PACRG: variants seen among roughly 807,000 people sequenced by gnomAD.
The protein encoded by PACRG is parkin coregulated.
Under a neutral mutation model 29.7 loss-of-function variants are expected in PACRG, and 29 were observed. That is an observed-to-expected ratio of 0.98 (90% CI 0.73 to 1.33). The LOEUF is 1.33. PACRG is among the 40% of genes most tolerant of loss of function. The pLI is 0.00. For synonymous variants in PACRG, 116 were observed against 118.7 expected (o/e 0.98, Z 0.15); for missense variants, 279 against 316.2 (o/e 0.88, Z 0.89).
chr6:162,998,195 A>G (rs945663422), intron 2 of PACRG, among the ~76,000 whole-genome samples: 11 of 152,146 alleles, frequency 7.2e-5, no homozygotes, highest in African/African-American at 2.7e-4. Context: ...CAGGTGAACG[A>G]TTTTCTAACC....
chr6:163,297,130 G>A (rs946910182), intron 4 of PACRG, among the ~76,000 whole-genome samples: 1 of 152,128 alleles, frequency 6.6e-6, no homozygotes, highest in Non-Finnish European at 1.5e-5. Flanking sequence ...TTCCTGCGAC[G>A]AAGCTTTGTT....
chr6:162,920,787 T>C (rs1409400513), intron 2 of PACRG, among the ~76,000 whole-genome samples: 1 of 152,272 alleles, frequency 6.6e-6, no homozygotes, highest in South Asian at 2.1e-4. Flanking sequence ...GCTATCAAAA[T>C]TGTGTTTTTA....
intron 2 of PACRG, among the ~76,000 whole-genome samples, chr6:163,019,540 G>C (rs1806413030): frequency 6.6e-6 from 1 of 152,122 alleles, no homozygotes; most frequent in Non-Finnish European, 1.5e-5. Context: ...CACCACCCGT[G>C]AACTGGAGCG....
chr6:162,900,479 G>C (rs1190142160), intron 2 of PACRG, among the ~76,000 whole-genome samples: 1 of 152,170 alleles, frequency 6.6e-6, no homozygotes, highest in African/African-American at 2.4e-5. Flanking sequence ...ACTTCAGATA[G>C]TCTCATGTGA....
chr6:162,928,671 G>A (rs1199889044), intron 2 of PACRG, among the ~76,000 whole-genome samples: 1 of 151,806 alleles, frequency 6.6e-6, no homozygotes, highest in Non-Finnish European at 1.5e-5. Context: ...ATCGTTGTAT[G>A]CTATAGTCAC....
At chr6:162,854,552 T>C (rs1239542591) in intron 2 of PACRG, among the ~76,000 whole-genome samples, 1 of 152,218 alleles carries the variant, frequency 6.6e-6, no homozygotes. Context: ...TTTTTTGGTT[T>C]GAGACTGACT....
At chr6:163,051,000 G>A (rs1177080741) in intron 2 of PACRG, among the ~76,000 whole-genome samples, 1 of 152,122 alleles carries the variant, frequency 6.6e-6, no homozygotes, top group African/African-American at 2.4e-5. Flanking sequence ...AGCATCCCGG[G>A]TCTTGGGACT....
intron 3 of PACRG, among the ~76,000 whole-genome samples, chr6:163,084,360 G>A (rs180864837): frequency 3.3e-5 from 5 of 152,166 alleles, no homozygotes; most frequent in Admixed American, 6.5e-5. Context: ...CTTTAATTCC[G>A]CTGTGACAGT....
chr6:163,269,354 T>G (rs2128178568), intron 4 of PACRG, among the ~76,000 whole-genome samples: 1 of 152,342 alleles, frequency 6.6e-6, no homozygotes, highest in African/African-American at 2.4e-5. Context: ...GCCTGGGGAC[T>G]TGAAGCTTGA....
intron 2 of PACRG, among the ~76,000 whole-genome samples, chr6:162,995,790 A>T (rs904758401): frequency 2.0e-5 from 3 of 152,230 alleles, no homozygotes; most frequent in Non-Finnish European, 4.4e-5. Flanking sequence ...AAGCCTGAGT[A>T]ATATCCTGTT....
At chr6:162,984,763 T>C (rs1038456038) in intron 2 of PACRG, among the ~76,000 whole-genome samples, 1 of 152,046 alleles carries the variant, frequency 6.6e-6, no homozygotes, top group Non-Finnish European at 1.5e-5. Flanking sequence ...ATATTAGTGA[T>C]TTTGAGCAAT....
intron 4 of PACRG, among the ~76,000 whole-genome samples, chr6:163,296,046 C>T (rs1402555224): frequency 1.3e-5 from 2 of 152,186 alleles, no homozygotes; most frequent in Non-Finnish European, 2.9e-5. Flanking sequence ...AGGCTGTCTT[C>T]ATACCGCAGC....
At chr6:163,068,495 T>A (rs76601526) in intron 3 of PACRG, among the ~76,000 whole-genome samples, 186 of 150,830 alleles carry the variant, frequency 1.2e-3, no homozygotes, top group East Asian at 2.4e-3. Flanking sequence ...TTTTTTTTTT[T>A]ATCAATTTTC....
At chr6:162,914,139 C>A (rs1393023192) in intron 2 of PACRG, among the ~76,000 whole-genome samples, 1 of 151,950 alleles carries the variant, frequency 6.6e-6, no homozygotes, top group Admixed American at 6.6e-5. Context: ...TAAATGTTTG[C>A]CTCCTCCAAG....
intron 1 of PACRG, among the ~76,000 whole-genome samples, chr6:162,748,249 G>A (rs1262287779): frequency 6.6e-6 from 1 of 152,164 alleles, no homozygotes; most frequent in African/African-American, 2.4e-5. Context: ...CCAGCACTTT[G>A]GGAGGCCGAG....
At chr6:163,139,217 C>A (rs1469396539) in intron 4 of PACRG, among the ~76,000 whole-genome samples, 1 of 152,248 alleles carries the variant, frequency 6.6e-6, no homozygotes, top group Non-Finnish European at 1.5e-5. Flanking sequence ...CCACGCAAGT[C>A]CCTGCCTCGT....
At chr6:163,103,696 A>T (rs944087982) in intron 4 of PACRG, among the ~76,000 whole-genome samples, 1 of 152,192 alleles carries the variant, frequency 6.6e-6, no homozygotes, top group Admixed American at 6.5e-5. Context: ...GAGGTTTTGG[A>T]ATGAAGTCAT....
chr6:163,092,414 G>A (rs79404383), intron 4 of PACRG, among the ~76,000 whole-genome samples: 31 of 152,252 alleles, frequency 2.0e-4, no homozygotes, highest in African/African-American at 6.7e-4. Flanking sequence ...CCATCTACAC[G>A]ATCAGAGCAA....
At chr6:163,140,378 C>T (rs1011090250) in intron 4 of PACRG, among the ~76,000 whole-genome samples, 7 of 152,196 alleles carry the variant, frequency 4.6e-5, no homozygotes, top group African/African-American at 1.7e-4. Flanking sequence ...TGAGAGTCTC[C>T]CTGTGGGGTG....
Sources: allele counts gnomAD v4.1 joint callset (sites outside exome capture counted in the v4.1 genomes callset), GRCh38; gene constraint gnomAD v4.1.1; transcripts MANE v1.5; gene names NCBI Gene and HGNC (gene_info 2026-07-23, HGNC 2026-07-21).